The following GALNT13 variants were observed in gnomAD, a reference collection of about 807,000 sequenced individuals.
The protein encoded by GALNT13 is UDP-GalNAc:polypeptide N-acetylgalactosaminyltransferase 13.
Under a neutral mutation model 64.2 loss-of-function variants are expected in GALNT13, and 28 were observed. That is an observed-to-expected ratio of 0.44 (90% CI 0.32 to 0.60). GALNT13 has a LOEUF of 0.60. Among genes scored for constraint, GALNT13 ranks in the 20% least tolerant of loss-of-function variants. GALNT13 has a pLI of 0.05. For synonymous variants in GALNT13, 214 were observed against 224.6 expected, an observed-to-expected ratio of 0.95 and a Z score of 0.42; for missense variants, 577 against 669.8, an observed-to-expected ratio of 0.86 and a Z score of 1.53.
At chr2:153,584,130 T>C in the GALNT13 span, among the ~76,000 whole-genome samples, 1 of 152,116 alleles carries the variant, frequency 6.6e-6, no homozygotes. Flanking sequence ...TTGTAGCTGT[T>C]GGGTTCATAC....
the GALNT13 span, among the ~76,000 whole-genome samples, chr2:153,787,010 G>T: frequency 1.3e-5 from 2 of 152,066 alleles, no homozygotes; most frequent in Admixed American, 1.3e-4. Flanking sequence ...TGAATCTCCT[G>T]GGGTGGAGCT....
chr2:154,011,838 C>G (rs1331359311), intron 3 of GALNT13, among the ~76,000 whole-genome samples: 3 of 152,070 alleles, frequency 2.0e-5, no homozygotes, highest in Non-Finnish European at 4.4e-5. Flanking sequence ...TCTTTTTGAT[C>G]ATTCTTGGTC....
At chr2:153,103,596 T>A in the GALNT13 span, among the ~76,000 whole-genome samples, 1 of 152,254 alleles carries the variant, frequency 6.6e-6, no homozygotes, top group African/African-American at 2.4e-5. Flanking sequence ...ACAGAGTGAA[T>A]GATGCCAACG....
At chr2:154,291,979 A>G (rs982320772) in intron 8 of GALNT13, among the ~76,000 whole-genome samples, 5 of 152,224 alleles carry the variant, frequency 3.3e-5, no homozygotes, top group African/African-American at 7.2e-5. Flanking sequence ...AAAGACTGCA[A>G]AAGTTGGCAC....
At chr2:153,198,315 T>G in the GALNT13 span, among the ~76,000 whole-genome samples, 1 of 152,142 alleles carries the variant, frequency 6.6e-6, no homozygotes, top group East Asian at 1.9e-4. Flanking sequence ...CTGTGGGAGT[T>G]GAGGAACTCT....
At chr2:153,880,839 GTTC>G (rs3046116) in intron 1 of GALNT13, among the ~76,000 whole-genome samples, 38,448 of 151,376 alleles carry the variant, frequency 0.25, 6,928 homozygotes, top group East Asian at 0.88. Flanking sequence ...CTTGTTCTTT[GTTC>G]TTCTTTCCAT....
At chr2:154,418,870 G>A (rs993790862) in intron 11 of GALNT13, among the ~76,000 whole-genome samples, 6 of 152,104 alleles carry the variant, frequency 3.9e-5, no homozygotes, top group Admixed American at 3.3e-4. Context: ...TAAACATGTT[G>A]TGATAGCTAG....
intron 4 of GALNT13, among the ~76,000 whole-genome samples, chr2:154,152,788 A>C (rs372342907): frequency 6.6e-5 from 10 of 152,250 alleles, no homozygotes; most frequent in African/African-American, 1.2e-4. Flanking sequence ...CCATCAGCTC[A>C]TTTAAGCACT....
At chr2:153,256,099 T>C in the GALNT13 span, among the ~76,000 whole-genome samples, 1 of 152,154 alleles carries the variant, frequency 6.6e-6, no homozygotes, top group African/African-American at 2.4e-5. Flanking sequence ...CACTTTCAGG[T>C]ACACCAATCA....
At chr2:153,254,028 A>G in the GALNT13 span, among the ~76,000 whole-genome samples, 148 of 152,216 alleles carry the variant, frequency 9.7e-4, no homozygotes, top group Middle Eastern at 3.4e-3. Flanking sequence ...GATTGGAATA[A>G]TTTCAGAAGG....
At chr2:153,521,103 G>A in the GALNT13 span, among the ~76,000 whole-genome samples, 4 of 152,084 alleles carry the variant, frequency 2.6e-5, no homozygotes, top group Non-Finnish European at 5.9e-5. Context: ...ACACCTGAAA[G>A]CGCCATATAA....
the GALNT13 span, among the ~76,000 whole-genome samples, chr2:153,172,682 A>G: frequency 1.3e-5 from 2 of 152,328 alleles, no homozygotes; most frequent in African/African-American, 2.4e-5. Flanking sequence ...ATTAAGGGCT[A>G]GAAGAGTGGC....
At chr2:154,422,568 TA>T (rs762573730) in intron 11 of GALNT13, among the ~76,000 whole-genome samples, 5 of 152,206 alleles carry the variant, frequency 3.3e-5, no homozygotes, top group Non-Finnish European at 5.9e-5. Flanking sequence ...CAGATAGACA[TA>T]CTTCTACTCC....
intron 3 of GALNT13, among the ~76,000 whole-genome samples, chr2:154,057,760 ATTGT>A (rs1052701287): frequency 2.6e-5 from 4 of 152,172 alleles, no homozygotes; most frequent in Admixed American, 1.3e-4. Context: ...GCAATTAGAA[ATTGT>A]TTTTTGTTTG....
At chr2:153,840,386 A>G in the GALNT13 span, among the ~76,000 whole-genome samples, 1 of 152,138 alleles carries the variant, frequency 6.6e-6, no homozygotes, top group South Asian at 2.1e-4. Context: ...CTTTATGAAC[A>G]TACTTGAGAA....
chr2:153,904,060 T>A (rs1688403100), intron 2 of GALNT13, among the ~76,000 whole-genome samples: 1 of 152,070 alleles, frequency 6.6e-6, no homozygotes, highest in Non-Finnish European at 1.5e-5. Flanking sequence ...TAAATTAATG[T>A]ACATAATATT....
chr2:153,927,065 A>G (rs974321351), intron 2 of GALNT13, among the ~76,000 whole-genome samples: 2 of 152,044 alleles, frequency 1.3e-5, no homozygotes, highest in African/African-American at 4.8e-5. Context: ...TCTTTTCTCA[A>G]TATGGGGTAT....
intron 3 of GALNT13, among the ~76,000 whole-genome samples, chr2:153,973,340 G>T (rs1333937724): frequency 6.6e-6 from 1 of 151,938 alleles, no homozygotes; most frequent in East Asian, 1.9e-4. Context: ...CATCCTATCT[G>T]CTGTGCCAAA....
chr2:154,096,526 A>G (rs1182142830), intron 3 of GALNT13, among the ~76,000 whole-genome samples: 1 of 152,184 alleles, frequency 6.6e-6, no homozygotes. Context: ...AGACTTGCAT[A>G]CACAGATAAA....
Sources: allele counts gnomAD v4.1 joint callset (sites outside exome capture counted in the v4.1 genomes callset), GRCh38; gene constraint gnomAD v4.1.1; transcripts MANE v1.5; gene names NCBI Gene and HGNC (gene_info 2026-07-23, HGNC 2026-07-21).